The following SMAD3 variants were observed in gnomAD, a reference collection of about 807,000 sequenced individuals.
SMAD3 encodes SMAD family member 3.
A neutral mutation model predicts 51.8 loss-of-function variants in SMAD3; 12 were observed. The ratio of observed to expected loss-of-function variants is 0.23; its 90% CI spans 0.15 to 0.38. The LOEUF (loss-of-function observed/expected upper bound fraction) is 0.38. Ranked by LOEUF, SMAD3 falls within the 10% of genes least tolerant of loss-of-function variation. The pLI is 1.00. For missense variants in SMAD3, 294 were observed against 565.6 expected (o/e 0.52, Z 4.87); for synonymous variants, 238 against 227.7 (o/e 1.05, Z -0.41).
rs757377617 is a variant in SMAD3, at chr15:67,170,639, CT to C, written c.658+36del. 22 of 1,595,678 alleles carry C rather than the reference CT, an allele frequency of 1.4e-5. No individual in the cohort carries two copies. The South Asian group carries it at 2.4e-4, about 18-fold the overall frequency. On this transcript the variant is annotated intron_variant, in intron 5 of 8. Coordinates refer to ENST00000327367, the MANE Select transcript of SMAD3 (RefSeq NM_005902.4). ...TCCTTGTGCACACAACTGGAACCCC[CT>C]CTAGCTGCAGCCCTGGCGAGTCGCC...
intron 1 of SMAD3, among the ~76,000 whole-genome samples, chr15:67,140,251 C>G (rs1244106770): frequency 2.6e-5 from 4 of 152,210 alleles, no homozygotes; most frequent in Admixed American, 6.5e-5. Flanking sequence ...AGTGTCTTGT[C>G]TCACCGCAAA....
intron 8 of SMAD3, among the ~76,000 whole-genome samples, chr15:67,188,808 A>G (rs1488500002): frequency 1.3e-5 from 2 of 152,264 alleles, no homozygotes; most frequent in East Asian, 3.8e-4. Context: ...AATGAAATCC[A>G]GATGAGCATG....
rs57749736 is a variant in SMAD3 at position 67,183,031 on chromosome 15, ATTTTTTT to A, written c.871+1592_871+1598del. Among the ~76,000 whole-genome samples, 250 of 29,692 alleles carry A rather than the reference ATTTTTTT, an allele frequency of 8.4e-3. 5 individuals are homozygous for A. Among genetic ancestry groups the A allele is most frequent in the African/African-American group, 0.031 (189 of 6,006 alleles). 19.5% of individuals were successfully genotyped at this position (29,692 alleles called of 152,430 possible). On this transcript the variant is annotated intron_variant, in intron 6 of 8. Transcript: ENST00000327367. ...TATATATATATATATATATATATAT[ATTTTTTT>A]TTTTTTTTTTTTTGGAGCGGGGAGA...
At chr15:67,124,688 G>C (rs1961343733) in intron 1 of SMAD3, among the ~76,000 whole-genome samples, 1 of 152,194 alleles carries the variant, frequency 6.6e-6, no homozygotes, top group Non-Finnish European at 1.5e-5. Flanking sequence ...TGAAGTTTCT[G>C]CTTTTAATTA....
chr15:67,132,156 T>C (rs1001842605), intron 1 of SMAD3, among the ~76,000 whole-genome samples: 2 of 152,190 alleles, frequency 1.3e-5, no homozygotes, highest in Non-Finnish European at 2.9e-5. Context: ...TTTCACTTTA[T>C]AGAGGGGGAA....
At chr15:67,090,312 C>T (rs987248151) in intron 1 of SMAD3, among the ~76,000 whole-genome samples, 2 of 152,122 alleles carry the variant, frequency 1.3e-5, no homozygotes, top group Non-Finnish European at 2.9e-5. Context: ...CTGAGTAGCT[C>T]ATGAGACAGG....
At chr15:67,170,944 G>A (rs1475521189) in intron 5 of SMAD3, among the ~76,000 whole-genome samples, 1 of 152,176 alleles carries the variant, frequency 6.6e-6, no homozygotes, top group Non-Finnish European at 1.5e-5. Flanking sequence ...GCAAAGCCAC[G>A]GACAGCCATG....
chr15:67,074,481 G>A lies in SMAD3; in HGVS notation c.206+8121G>A, dbSNP rs542941825. 4.6e-5 allele frequency among the ~76,000 whole-genome samples: 7 copies of A among 152,348 alleles called. No individual in the cohort carries two copies. In the South Asian group the frequency reaches 1.4e-3, roughly 32 times the overall value. ...AGAAAGGCTGCACTTGATTGCGTAA[G>A]CATGAGCCTTTTGTTAGGCAGCGTG... On this transcript the variant is annotated intron_variant, in intron 1 of 8. Transcript: ENST00000327367.
At chr15:67,085,868 G>GCACACACACACACACACACACACA (rs78357581) in intron 1 of SMAD3, among the ~76,000 whole-genome samples, 3 of 100,066 alleles carry the variant, frequency 3.0e-5, no homozygotes, top group African/African-American at 1.0e-4. Context: ...AAAAAAGCGT[G>GCACACACACACACACACACACACA]CACACACACA....
chr15:67,184,712 C>T lies in SMAD3; in HGVS notation c.872-15C>T, dbSNP rs747102986. The T allele has an allele frequency of 3.1e-6, 5 of 1,613,922 alleles. No individual in the cohort carries two copies. Among genetic ancestry groups the T allele is most frequent in the Non-Finnish European group, 4.2e-6 (5 of 1,180,038 alleles). On this transcript the variant is annotated splice_polypyrimidine_tract_variant and intron_variant, in intron 6 of 8. Transcript: ENST00000327367. ...AGCAAAGGCACCCTGTCCAGTCTAA[C>T]CTGAATCTCTGTAGGAAGAGGCGTG...
At chr15:67,087,818 C>T (rs1312873779) in intron 1 of SMAD3, among the ~76,000 whole-genome samples, 1 of 152,142 alleles carries the variant, frequency 6.6e-6, no homozygotes, top group Non-Finnish European at 1.5e-5. Context: ...ATTTTCTGGG[C>T]AGCAGAACTT....
chr15:67,100,400 C>T lies in SMAD3; in HGVS notation c.206+34040C>T, dbSNP rs947190647. 3.9e-5 allele frequency among the ~76,000 whole-genome samples: 6 copies of T among 151,910 alleles called. 1 individual carries two copies. The highest frequency in any genetic ancestry group is 1.9e-4 in the East Asian group (1 of 5,166). On this transcript the variant is annotated intron_variant, in intron 1 of 8. Coordinates refer to ENST00000327367, the MANE Select transcript of SMAD3 (RefSeq NM_005902.4). ...ATGGGGAGTGACTGCTTCATGGATA[C>T]AGGGTTTCCTTGAGGGATGTTCTGG... is the stretch of plus-strand genomic sequence containing the variant.
At chr15:67,183,505 G>GA (rs1321326296) in intron 6 of SMAD3, among the ~76,000 whole-genome samples, 1 of 152,114 alleles carries the variant, frequency 6.6e-6, no homozygotes, top group African/African-American at 2.4e-5. Context: ...ACTAAAGCCA[G>GA]AAAAAATGGG....
chr15:67,184,569 C>G (rs1370844616), intron 6 of SMAD3, among the ~76,000 whole-genome samples, 158 bp from the exon 7 acceptor site: 1 of 152,198 alleles, frequency 6.6e-6, no homozygotes, highest in Non-Finnish European at 1.5e-5. Context: ...CCCATTTCCC[C>G]TACTTTAGGC....
rs115722495 is a variant in SMAD3 at position 67,122,427 on chromosome 15, G to A, written c.207-42468G>A. 5.2e-3 allele frequency among the ~76,000 whole-genome samples: 796 copies of A among 152,258 alleles called. 14 individuals carry two copies. Among genetic ancestry groups the A allele is most frequent in the African/African-American group, 0.018 (759 of 41,554 alleles). Reference sequence around the variant, plus strand: ...AATGAGCAAGTCAGGACTGCTTTCCGTACGGTAATCCTTTGGCCCATTTCC... The same window carrying A: ...AATGAGCAAGTCAGGACTGCTTTCCATACGGTAATCCTTTGGCCCATTTCC... On this transcript the variant is annotated intron_variant, in intron 1 of 8. Coordinates refer to ENST00000327367, the MANE Select transcript of SMAD3 (RefSeq NM_005902.4).
At chr15:67,093,637 A>G (rs881861) in intron 1 of SMAD3, among the ~76,000 whole-genome samples, 93,252 of 152,126 alleles carry the variant, frequency 0.61, 28,907 homozygotes, top group East Asian at 0.79. Context: ...GGGGACAGAC[A>G]GAGGCCCACT....
At chr15:67,163,256 G>A (rs189371655) in intron 1 of SMAD3, among the ~76,000 whole-genome samples, 354 of 152,262 alleles carry the variant, frequency 2.3e-3, no homozygotes, top group African/African-American at 8.1e-3. Flanking sequence ...GTGATTATTT[G>A]ATTAATGCCG....
intron 1 of SMAD3, among the ~76,000 whole-genome samples, chr15:67,077,834 G>A (rs778940503): frequency 3.2e-4 from 49 of 152,236 alleles, no homozygotes; most frequent in Admixed American, 1.3e-3. Context: ...ATGAGGGAGT[G>A]GCCAGAGAGG....
intron 1 of SMAD3, among the ~76,000 whole-genome samples, chr15:67,076,119 C>T (rs1960162832): frequency 6.6e-6 from 1 of 152,126 alleles, no homozygotes; most frequent in Non-Finnish European, 1.5e-5. Context: ...TGGAGAGTCT[C>T]AGTTGATATA....
Sources: allele counts gnomAD v4.1 joint callset (sites outside exome capture counted in the v4.1 genomes callset), GRCh38; gene constraint gnomAD v4.1.1; transcripts MANE v1.5; gene names NCBI Gene and HGNC (gene_info 2026-07-23, HGNC 2026-07-21).